TP63: variants seen among roughly 807,000 people sequenced by gnomAD.
The protein encoded by TP63 is tumor protein 63.
TP63 carries 17 observed loss-of-function variants against 82.8 expected under a neutral mutation model. That is an observed-to-expected ratio of 0.21 (90% CI 0.14 to 0.31). The LOEUF is 0.31. TP63 is among the 10% of genes least tolerant of loss of function. The pLI, the probability that TP63 is intolerant of heterozygous loss-of-function variation, is 1.00. For missense variants in TP63, 648 were observed against 895.3 expected, an observed-to-expected ratio of 0.72 and a Z score of 3.52; for synonymous variants, 330 against 321.7, an observed-to-expected ratio of 1.03 and a Z score of -0.28.
intron 1 of TP63, among the ~76,000 whole-genome samples, chr3:189,726,601 G>A (rs1266243633): frequency 6.6e-6 from 1 of 152,110 alleles, no homozygotes; most frequent in Non-Finnish European, 1.5e-5. Context: ...TATTAATGAG[G>A]ATGGTAAGAA....
intron 3 of TP63, among the ~76,000 whole-genome samples, chr3:189,791,897 T>G (rs73197843): frequency 0.087 from 13,282 of 152,098 alleles, 778 homozygotes; most frequent in Non-Finnish European, 0.13. Context: ...GGATTTATGT[T>G]TATTAGTAAC....
chr3:189,672,680 GGAAGGAAGGAA>G (rs1261223376), intron 1 of TP63, among the ~76,000 whole-genome samples: 1 of 143,000 alleles, frequency 7.0e-6, no homozygotes, highest in Non-Finnish European at 1.6e-5. Context: ...AAGGAAGGAA[GGAAGGAAGGAA>G]GGAAGGAAGG....
At position 189,820,086 on chromosome 3, in the gene TP63, A is replaced by G. The variant is rs1012517236; in HGVS notation, c.579+11560A>G. ...TATCTATTGTCAATGACTACATTGA[A>G]TACTTTTGTATGCAAATGTAACAAA... On this transcript the variant is annotated intron_variant, in intron 4 of 13. Transcript: ENST00000264731. Among the ~76,000 whole-genome samples the G allele has an allele frequency of 3.3e-5, 5 of 152,314 alleles. No homozygotes were observed. The South Asian group carries it at 1.0e-3, about 32-fold the overall frequency.
chr3:189,844,199 T>A, intron 4 of TP63: 1 of 376,104 alleles, frequency 2.7e-6, no homozygotes, highest in Non-Finnish European at 5.2e-6. Flanking sequence ...TGAGACAGAG[T>A]CTCGCCTTGT....
chr3:189,745,708 C>CAAAAAAAAA (rs71298529), intron 3 of TP63, among the ~76,000 whole-genome samples: 6 of 17,800 alleles, frequency 3.4e-4, no homozygotes, highest in Non-Finnish European at 5.0e-4. Context: ...AACTCCATCT[C>CAAAAAAAAA]AAAAAAAAAA....
At chr3:189,781,466 A>G (rs940917822) in intron 3 of TP63, among the ~76,000 whole-genome samples, 39 of 152,314 alleles carry the variant, frequency 2.6e-4, no homozygotes, top group African/African-American at 8.4e-4. Flanking sequence ...GCTATAACTA[A>G]AGGTGCAGAC....
chr3:189,613,923 T>G, the TP63 span, among the ~76,000 whole-genome samples: 1 of 152,204 alleles, frequency 6.6e-6, no homozygotes, highest in Non-Finnish European at 1.5e-5. Context: ...TTACTCCCAT[T>G]GCATCTAGGA....
At chr3:189,887,225 AT>A (rs976162371) in intron 11 of TP63, among the ~76,000 whole-genome samples, 5 of 151,042 alleles carry the variant, frequency 3.3e-5, no homozygotes, top group African/African-American at 1.2e-4. Context: ...AAAAAAAAAA[AT>A]CTAGAAAAGT....
intron 3 of TP63, among the ~76,000 whole-genome samples, chr3:189,802,050 A>G (rs981917481): frequency 6.6e-6 from 1 of 152,158 alleles, no homozygotes; most frequent in Non-Finnish European, 1.5e-5. Flanking sequence ...CTGTAAGTCA[A>G]TTGTGTTTAA....
chr3:189,650,475 A>T (rs923943922), intron 1 of TP63, among the ~76,000 whole-genome samples: 2 of 146,384 alleles, frequency 1.4e-5, no homozygotes, highest in African/African-American at 5.1e-5. Context: ...AGATTGAATC[A>T]TGGGGGCAGT....
chr3:189,655,728 G>T (rs9290902), intron 1 of TP63, among the ~76,000 whole-genome samples: 138,486 of 152,210 alleles, frequency 0.91, 64,489 homozygotes, highest in East Asian at 1. Context: ...GTTGGTAAAT[G>T]TGATAAATTG....
chr3:189,655,005 A>C (rs962441283), intron 1 of TP63, among the ~76,000 whole-genome samples: 1 of 152,122 alleles, frequency 6.6e-6, no homozygotes, highest in Admixed American at 6.6e-5. Context: ...TGCAGTGACT[A>C]CTGCAGTGCT....
chr3:189,683,737 A>T (rs1488007035), intron 1 of TP63, among the ~76,000 whole-genome samples: 4 of 152,168 alleles, frequency 2.6e-5, no homozygotes, highest in Non-Finnish European at 5.9e-5. Context: ...TCCTCTTTAT[A>T]CTTGAACATG....
intron 1 of TP63, among the ~76,000 whole-genome samples, chr3:189,671,072 C>T (rs927121414): frequency 3.9e-5 from 6 of 151,972 alleles, no homozygotes; most frequent in East Asian, 1.9e-4. Flanking sequence ...GCAAAGGAAA[C>T]GATCAGCAGA....
intron 3 of TP63, chr3:189,789,719 G>A: frequency 6.8e-7 from 1 of 1,464,290 alleles, no homozygotes; most frequent in Non-Finnish European, 9.0e-7. Flanking sequence ...GATTCATATT[G>A]TAAGGGTCTC....
chr3:189,651,633 A>G (rs1712898744), intron 1 of TP63, among the ~76,000 whole-genome samples: 1 of 146,362 alleles, frequency 6.8e-6, no homozygotes, highest in African/African-American at 2.6e-5. Flanking sequence ...TTGCATAAGT[A>G]ACGAGGAGCC....
At chr3:189,711,502 GA>G (rs1349038753) in intron 1 of TP63, among the ~76,000 whole-genome samples, 1 of 152,068 alleles carries the variant, frequency 6.6e-6, no homozygotes, top group Non-Finnish European at 1.5e-5. Context: ...GGAACGTGGG[GA>G]AAAAAATAGA....
intron 3 of TP63, among the ~76,000 whole-genome samples, chr3:189,796,300 T>A (rs1336182820): frequency 6.6e-6 from 1 of 152,028 alleles, no homozygotes; most frequent in African/African-American, 2.4e-5. Context: ...AGATAAATAT[T>A]GGGAGAAGAC....
intron 3 of TP63, among the ~76,000 whole-genome samples, chr3:189,765,433 C>CTGTTTTTTT (rs1722869780): frequency 3.3e-5 from 1 of 30,088 alleles, no homozygotes; most frequent in African/African-American, 1.2e-4. Flanking sequence ...CTGTCCTCTG[C>CTGTTTTTTT]TTTTTTTTTT....
Sources: allele counts gnomAD v4.1 joint callset (sites outside exome capture counted in the v4.1 genomes callset), GRCh38; gene constraint gnomAD v4.1.1; transcripts MANE v1.5; gene names NCBI Gene and HGNC (gene_info 2026-07-23, HGNC 2026-07-21).